GLRA3: variants seen among roughly 807,000 people sequenced by gnomAD.
The protein encoded by GLRA3 is glycine receptor subunit alpha-3.
In GLRA3, 44 loss-of-function variants were observed where a neutral mutation model predicts 60.4. The observed-to-expected ratio is 0.73, with a 90% CI of 0.57 to 0.94. The LOEUF is 0.94. GLRA3 is among the 40% of genes least tolerant of loss of function. The pLI, the probability that GLRA3 is intolerant of heterozygous loss-of-function variation, is 0.00. For missense variants in GLRA3, 508 were observed against 564.6 expected, an observed-to-expected ratio of 0.90 and a Z score of 1.02; for synonymous variants, 223 against 192.9, an observed-to-expected ratio of 1.16 and a Z score of -1.29.
intron 1 of GLRA3, among the ~76,000 whole-genome samples, chr4:174,800,451 G>C (rs964374099): frequency 6.6e-6 from 1 of 152,014 alleles, no homozygotes; most frequent in South Asian, 2.1e-4. Flanking sequence ...TTTTCAGTTT[G>C]TGTAGCATAC....
chr4:174,779,200 G>A (rs952733437), intron 2 of GLRA3, among the ~76,000 whole-genome samples: 2 of 152,194 alleles, frequency 1.3e-5, no homozygotes, highest in Non-Finnish European at 2.9e-5. Context: ...CCCAGCAGGG[G>A]CACACTGACA....
At chr4:174,818,824 T>C (rs1740615799) in intron 1 of GLRA3, among the ~76,000 whole-genome samples, 1 of 152,192 alleles carries the variant, frequency 6.6e-6, no homozygotes, top group South Asian at 2.1e-4. Context: ...AAAAGTCTCT[T>C]GGTATCTTAA....
chr4:174,735,374 A>G (rs1413819113), intron 3 of GLRA3, among the ~76,000 whole-genome samples: 1 of 152,208 alleles, frequency 6.6e-6, no homozygotes, highest in Non-Finnish European at 1.5e-5. Flanking sequence ...CCTGGTTTAG[A>G]CAACATGGAC....
intron 5 of GLRA3, among the ~76,000 whole-genome samples, chr4:174,696,393 T>C (rs1481274582): frequency 2.0e-5 from 3 of 150,900 alleles, no homozygotes; most frequent in African/African-American, 7.3e-5. Flanking sequence ...TTTAAAACTT[T>C]ACTATGAAAG....
At chr4:174,728,153 T>C (rs1396950302) in intron 4 of GLRA3, among the ~76,000 whole-genome samples, 2 of 152,204 alleles carry the variant, frequency 1.3e-5, no homozygotes, top group Non-Finnish European at 2.9e-5. Context: ...CATATATACA[T>C]AAAAGTATTA....
chr4:174,760,013 A>G (rs1245563556), intron 3 of GLRA3, among the ~76,000 whole-genome samples: 1 of 152,072 alleles, frequency 6.6e-6, no homozygotes, highest in Non-Finnish European at 1.5e-5. Context: ...TTGTGAATTA[A>G]AATTATTTAT....
At chr4:174,659,265 G>T in intron 7 of GLRA3, 68 bp from the exon 8 acceptor site, 1 of 1,139,644 alleles carries the variant, frequency 8.8e-7, no homozygotes, top group Non-Finnish European at 1.3e-6. Flanking sequence ...GAACAAAACT[G>T]AGTTTTTCTG....
rs555658426 is a variant in GLRA3 at position 174,792,007 on chromosome 4, C to T, written c.72-3064G>A. 3.3e-5 allele frequency among the ~76,000 whole-genome samples: 5 copies of T among 152,310 alleles called. No homozygotes were observed. In the South Asian group the frequency reaches 1.0e-3, roughly 32 times the overall value. On this transcript the variant is annotated intron_variant, in intron 1 of 9. Coordinates refer to ENST00000274093, the MANE Select transcript of GLRA3 (RefSeq NM_006529.4). Reference sequence around the variant, plus strand: ...ATTAATTTCTAGAACCAATAAGTGACTCAGTATTTGCTGGGGGTTCTGTGT... The same window carrying T: ...ATTAATTTCTAGAACCAATAAGTGATTCAGTATTTGCTGGGGGTTCTGTGT...
chr4:174,792,515 G>T (rs544901398), intron 1 of GLRA3, among the ~76,000 whole-genome samples: 1 of 152,082 alleles, frequency 6.6e-6, no homozygotes, highest in Admixed American at 6.5e-5. Context: ...CAACATAGGA[G>T]TGTTGGGAGA....
chr4:174,698,860 T>A (rs1324554821), intron 5 of GLRA3, among the ~76,000 whole-genome samples: 2 of 152,152 alleles, frequency 1.3e-5, no homozygotes, highest in Admixed American at 1.3e-4. Context: ...AATTCGCATT[T>A]AATACACAGT....
At chr4:174,660,349 T>G (rs1319624769) in intron 7 of GLRA3, among the ~76,000 whole-genome samples, 1 of 152,132 alleles carries the variant, frequency 6.6e-6, no homozygotes, top group Non-Finnish European at 1.5e-5. Context: ...ATTATCTGTC[T>G]CTCCTTGCTT....
chr4:174,646,948 C>A (rs749648537), intron 9 of GLRA3, among the ~76,000 whole-genome samples: 2 of 152,104 alleles, frequency 1.3e-5, no homozygotes, highest in East Asian at 1.9e-4. Context: ...TGATCCAATC[C>A]GGTTTTGAGG....
At chr4:174,820,173 A>C (rs1051145474) in intron 1 of GLRA3, among the ~76,000 whole-genome samples, 2 of 152,130 alleles carry the variant, frequency 1.3e-5, no homozygotes, top group Non-Finnish European at 2.9e-5. Context: ...TTTTCTAGAC[A>C]TTTTTCCCTG....
intron 5 of GLRA3, among the ~76,000 whole-genome samples, chr4:174,709,244 T>C (rs1735622268): frequency 6.6e-6 from 1 of 152,054 alleles, no homozygotes. Flanking sequence ...TTGTCTTCAC[T>C]AGGAACTTTC....
At chr4:174,692,035 C>T (rs1734844421) in intron 5 of GLRA3, among the ~76,000 whole-genome samples, 1 of 152,048 alleles carries the variant, frequency 6.6e-6, no homozygotes, top group African/African-American at 2.4e-5. Flanking sequence ...GCGCCTCTAC[C>T]CGGCCACCAC....
chr4:174,655,319 A>G (rs1039435856), intron 9 of GLRA3, among the ~76,000 whole-genome samples: 1 of 152,220 alleles, frequency 6.6e-6, no homozygotes, highest in South Asian at 2.1e-4. Flanking sequence ...CAAGTCAAAG[A>G]AAACAACCAC....
At chr4:174,809,401 G>T (rs1258454932) in intron 1 of GLRA3, among the ~76,000 whole-genome samples, 1 of 152,006 alleles carries the variant, frequency 6.6e-6, no homozygotes, top group Non-Finnish European at 1.5e-5. Context: ...GCAACAAACG[G>T]CTGTAGTCAT....
intron 3 of GLRA3, among the ~76,000 whole-genome samples, chr4:174,744,529 A>T (rs567841081): frequency 5.4e-4 from 83 of 152,348 alleles, no homozygotes; most frequent in African/African-American, 2.0e-3. Context: ...CACTGAGGAA[A>T]TCACAAATAC....
chr4:174,707,429 T>C (rs1193590671), intron 5 of GLRA3, among the ~76,000 whole-genome samples: 9 of 152,180 alleles, frequency 5.9e-5, no homozygotes, highest in African/African-American at 1.9e-4. Context: ...CAGATGACTG[T>C]AGATGTGTTC....
Sources: allele counts gnomAD v4.1 joint callset (sites outside exome capture counted in the v4.1 genomes callset), GRCh38; gene constraint gnomAD v4.1.1; transcripts MANE v1.5; gene names NCBI Gene and HGNC (gene_info 2026-07-23, HGNC 2026-07-21).